The following RBFOX1 variants were observed in gnomAD, a reference collection of about 807,000 sequenced individuals.
RBFOX1 encodes RNA binding protein fox-1 homolog 1.
RBFOX1 carries 8 observed loss-of-function variants against 57.7 expected under a neutral mutation model. That is an observed-to-expected ratio of 0.14 (90% CI 0.08 to 0.25). The LOEUF (loss-of-function observed/expected upper bound fraction) is 0.25. RBFOX1 is among the 10% of genes least tolerant of loss of function. RBFOX1 has a pLI of 1.00. For missense variants in RBFOX1, 611 were observed against 548.5 expected (o/e 1.11, Z -1.14); for synonymous variants, 326 against 222.4 (o/e 1.47, Z -4.15).
chr16:7,188,184 A>G (rs1243784649), intron 4 of RBFOX1, among the ~76,000 whole-genome samples: 3 of 152,238 alleles, frequency 2.0e-5, no homozygotes. Flanking sequence ...AGAGGTATAA[A>G]TACGATGGAA....
chr16:6,524,693 G>A (rs945113684), intron 2 of RBFOX1, among the ~76,000 whole-genome samples: 1 of 152,062 alleles, frequency 6.6e-6, no homozygotes, highest in Non-Finnish European at 1.5e-5. Flanking sequence ...ATGTCTGCTG[G>A]GCCATGCTCC....
chr16:5,398,724 AG>A (rs1368121275), intron 1 of RBFOX1, among the ~76,000 whole-genome samples: 1 of 152,074 alleles, frequency 6.6e-6, no homozygotes, highest in Admixed American at 6.6e-5. Flanking sequence ...GGTCTCTTGA[AG>A]GGGTTGGGAG....
rs138047401 is a variant in RBFOX1 at position 5,726,421 on chromosome 16, A to T, written c.318+127460A>T. Among the ~76,000 whole-genome samples, 518 of 152,260 alleles carry T rather than the reference A, an allele frequency of 3.4e-3. 3 individuals are homozygous for T. The highest frequency in any genetic ancestry group is 0.011 in the African/African-American group (447 of 41,540). ...CTCCCTCCCTGGGGCCCTAGACAAC[A>T]ACCCCTCCATTGCCAAGGTCGCCAC... On this transcript the variant is annotated intron_variant, in intron 3 of 19. Transcript: ENST00000641259.
At chr16:5,666,292 CCTT>C (rs1437601521) in intron 3 of RBFOX1, among the ~76,000 whole-genome samples, 1 of 152,228 alleles carries the variant, frequency 6.6e-6, no homozygotes, top group African/African-American at 2.4e-5. Flanking sequence ...ATTTCTGTGA[CCTT>C]CTTCTTTTCT....
chr16:6,717,689 C>T (rs778055219), intron 3 of RBFOX1, among the ~76,000 whole-genome samples: 8 of 151,902 alleles, frequency 5.3e-5, no homozygotes, highest in African/African-American at 1.7e-4. Flanking sequence ...AGTGATAAAC[C>T]AGTTGAAAGT....
rs8058573 is a variant in RBFOX1, at chr16:7,059,745, C to G, written c.27+7647C>G. Among the ~76,000 whole-genome samples the G allele has an allele frequency of 6.6e-3, 999 of 152,254 alleles. 11 individuals carry two copies. Among genetic ancestry groups the G allele is most frequent in the African/African-American group, 0.023 (944 of 41,532 alleles). ...TAGTGACTGTTTGGTACAAATTTAC[C>G]TTTCTCTTCACCCGTTGCAGTGTCT... On this transcript the variant is annotated intron_variant, in intron 4 of 15. Coordinates refer to ENST00000550418, the MANE Select transcript of RBFOX1 (RefSeq NM_018723.4).
At chr16:7,692,744 T>C (rs56999164) in intron 14 of RBFOX1, among the ~76,000 whole-genome samples, 69 of 152,284 alleles carry the variant, frequency 4.5e-4, no homozygotes, top group African/African-American at 1.6e-3. Context: ...TTATTTTTAA[T>C]ACTGCATCAT....
chr16:7,629,159 G>A (rs2060531969), intron 10 of RBFOX1, among the ~76,000 whole-genome samples: 1 of 152,150 alleles, frequency 6.6e-6, no homozygotes, highest in Non-Finnish European at 1.5e-5. Context: ...GCCCTGGGCT[G>A]CTTCTCCCTG....
At chr16:6,675,597 A>G (rs1156570189) in intron 3 of RBFOX1, among the ~76,000 whole-genome samples, 1 of 152,190 alleles carries the variant, frequency 6.6e-6, no homozygotes, top group Non-Finnish European at 1.5e-5. Flanking sequence ...AGACTGGGTA[A>G]TTTGTAAAGA....
chr16:5,438,010 G>C (rs902553056), intron 1 of RBFOX1, among the ~76,000 whole-genome samples: 2 of 152,194 alleles, frequency 1.3e-5, no homozygotes, highest in African/African-American at 4.8e-5. Context: ...GGACACCTTT[G>C]AGTAAAAGGG....
rs573596446 is a variant in RBFOX1, at chr16:7,520,509, T to C, written c.270+2120T>C. On this transcript the variant is annotated intron_variant, in intron 5 of 15. Coordinates refer to ENST00000550418, the MANE Select transcript of RBFOX1 (RefSeq NM_018723.4). Reference sequence around the variant, plus strand: ...GTCTGGCTTCTTTCTCTTAACACGATGTTGTCTAGGTTCATTCATGTGGAG... The same window carrying C: ...GTCTGGCTTCTTTCTCTTAACACGACGTTGTCTAGGTTCATTCATGTGGAG... Among the ~76,000 whole-genome samples, 35 of 152,328 alleles carry C rather than the reference T, an allele frequency of 2.3e-4. 1 individual carries two copies. In the South Asian group the frequency reaches 7.2e-3, roughly 32 times the overall value.
intron 3 of RBFOX1, among the ~76,000 whole-genome samples, chr16:6,916,219 G>T (rs2073124526): frequency 6.6e-6 from 1 of 152,168 alleles, no homozygotes; most frequent in South Asian, 2.1e-4. Context: ...CATTCACGGA[G>T]CTGGGACTGA....
chr16:6,588,753 T>G (rs2097667564), intron 2 of RBFOX1, among the ~76,000 whole-genome samples: 2 of 152,292 alleles, frequency 1.3e-5, no homozygotes, highest in Admixed American at 1.3e-4. Flanking sequence ...GTAGAACATC[T>G]GAAAATCAGG....
intron 4 of RBFOX1, among the ~76,000 whole-genome samples, chr16:7,394,366 C>G (rs1380402698): frequency 6.6e-6 from 1 of 151,402 alleles, no homozygotes; most frequent in African/African-American, 2.4e-5. Flanking sequence ...CTGAGTAGTT[C>G]CAATTTTACC....
At chr16:7,113,053 C>T (rs2065132171) in intron 4 of RBFOX1, among the ~76,000 whole-genome samples, 1 of 152,160 alleles carries the variant, frequency 6.6e-6, no homozygotes, top group African/African-American at 2.4e-5. Flanking sequence ...AGCCTTGCAA[C>T]CTGGACAGAA....
At chr16:5,980,367 T>C (rs1184871899) in intron 4 of RBFOX1, among the ~76,000 whole-genome samples, 2 of 151,936 alleles carry the variant, frequency 1.3e-5, no homozygotes, top group East Asian at 3.9e-4. Flanking sequence ...GTGGGACTGG[T>C]TGTGGTGAGT....
chr16:7,473,745 A>G (rs1436350927), intron 4 of RBFOX1, among the ~76,000 whole-genome samples: 3 of 151,966 alleles, frequency 2.0e-5, no homozygotes, highest in Non-Finnish European at 4.4e-5. Flanking sequence ...TCCCTCCCCA[A>G]CCTCCACTTC....
At chr16:6,923,813 A>T (rs1254404273) in intron 3 of RBFOX1, among the ~76,000 whole-genome samples, 1 of 152,162 alleles carries the variant, frequency 6.6e-6, no homozygotes, top group Non-Finnish European at 1.5e-5. Context: ...CCTTCTAGCC[A>T]TGAAACTTCA....
At chr16:6,301,732 T>C (rs186563062) in intron 1 of RBFOX1, among the ~76,000 whole-genome samples, 1 of 152,318 alleles carries the variant, frequency 6.6e-6, no homozygotes, top group East Asian at 1.9e-4. Context: ...AAATGCTCTG[T>C]AACTTAATGC....
Sources: allele counts gnomAD v4.1 joint callset (sites outside exome capture counted in the v4.1 genomes callset), GRCh38; gene constraint gnomAD v4.1.1; transcripts MANE v1.5; gene names NCBI Gene and HGNC (gene_info 2026-07-23, HGNC 2026-07-21).